GNAQ: variants seen among roughly 807,000 people sequenced by gnomAD.
GNAQ encodes the protein G protein subunit alpha q, also known as guanine nucleotide-binding protein G(q) subunit alpha.
In GNAQ, 8 loss-of-function variants were observed where a neutral mutation model predicts 43.9. The observed-to-expected ratio is 0.18, with a 90% CI of 0.11 to 0.33. The LOEUF (loss-of-function observed/expected upper bound fraction) is 0.33, where lower values mean the gene tolerates loss of function less well. Among genes scored for constraint, GNAQ ranks in the 10% least tolerant of loss-of-function variants. The probability of loss-of-function intolerance (pLI) is 1.00; values close to 1 mark genes in which losing one functional copy is unlikely to be tolerated. For synonymous variants in GNAQ, 155 were observed against 170.7 expected (o/e 0.91, Z 0.71); for missense variants, 158 against 450.8 (o/e 0.35, Z 5.88).
intron 5 of GNAQ, among the ~76,000 whole-genome samples, chr9:77,769,927 A>C (rs1339933119): frequency 6.6e-6 from 1 of 151,982 alleles, no homozygotes; most frequent in East Asian, 1.9e-4. Context: ...CTGCCTCCCA[A>C]AGTGCTGGGA....
rs1204264322 is a variant in GNAQ at position 77,721,854 on chromosome 9, CTGAGT to C, written c.890-346_890-342del. On this transcript the variant is annotated intron_variant, in intron 6 of 6. Transcript: ENST00000286548. ...GGAGTGATAGCTTACTTCTGTTCAA[CTGAGT>C]TAAGTATGCTTGTTTCAGCTATATA... Among the ~76,000 whole-genome samples the C allele has an allele frequency of 3.0e-4, 45 of 152,184 alleles. 1 individual carries two copies. The highest frequency in any genetic ancestry group is 7.2e-4 in the Admixed American group (11 of 15,282).
intron 3 of GNAQ, among the ~76,000 whole-genome samples, chr9:77,802,924 A>C (rs572617817): frequency 2.6e-5 from 4 of 152,054 alleles, no homozygotes; most frequent in Non-Finnish European, 5.9e-5. Context: ...ATTAATTTAT[A>C]ATTTTTTTTA....
At chr9:77,830,392 T>C (rs1249247363) in intron 2 of GNAQ, among the ~76,000 whole-genome samples, 2 of 152,060 alleles carry the variant, frequency 1.3e-5, no homozygotes, top group Non-Finnish European at 2.9e-5. Flanking sequence ...AAGACAAAGA[T>C]AGTAAGTTTT....
intron 5 of GNAQ, among the ~76,000 whole-genome samples, chr9:77,752,989 A>G (rs957481652): frequency 2.0e-5 from 3 of 146,620 alleles, no homozygotes; most frequent in Admixed American, 6.9e-5. Flanking sequence ...CGGGAGGCTG[A>G]GGCAGGAGAA....
chr9:77,809,512 G>T (rs1017041425), intron 3 of GNAQ, among the ~76,000 whole-genome samples: 2 of 152,114 alleles, frequency 1.3e-5, no homozygotes, highest in African/African-American at 4.8e-5. Context: ...TGTTTTTTGT[G>T]CTCTTTAATC....
At chr9:77,997,851 T>C (rs1237744158) in intron 1 of GNAQ, among the ~76,000 whole-genome samples, 2 of 152,000 alleles carry the variant, frequency 1.3e-5, no homozygotes, top group Non-Finnish European at 2.9e-5. Flanking sequence ...TTTTGCAGAG[T>C]TTCATGTAAA....
chr9:77,723,643 T>G (rs924769113), intron 6 of GNAQ, among the ~76,000 whole-genome samples: 6 of 152,226 alleles, frequency 3.9e-5, no homozygotes, highest in Admixed American at 3.9e-4. Context: ...TGCTGTAATA[T>G]GCATGAACTG....
intron 1 of GNAQ, among the ~76,000 whole-genome samples, chr9:78,029,186 G>A (rs1824018189): frequency 6.6e-6 from 1 of 151,908 alleles, no homozygotes; most frequent in Non-Finnish European, 1.5e-5. Context: ...TTAGCTGCTG[G>A]GAAACTCAGA....
intron 5 of GNAQ, among the ~76,000 whole-genome samples, chr9:77,759,228 T>C (rs1405209160): frequency 2.0e-5 from 3 of 152,212 alleles, no homozygotes; most frequent in African/African-American, 7.2e-5. Context: ...TGAATGCCAT[T>C]ATAATACTAC....
At chr9:77,795,352 A>G (rs1230964593) in intron 4 of GNAQ, among the ~76,000 whole-genome samples, 1 of 152,196 alleles carries the variant, frequency 6.6e-6, no homozygotes, top group Non-Finnish European at 1.5e-5. Flanking sequence ...TTGAGTGACA[A>G]TGTATGTCTG....
intron 2 of GNAQ, among the ~76,000 whole-genome samples, chr9:77,845,952 A>G (rs1023934353): frequency 6.6e-6 from 1 of 152,216 alleles, no homozygotes; most frequent in African/African-American, 2.4e-5. Flanking sequence ...AATGTGACCA[A>G]GTGAAACTAG....
intron 5 of GNAQ, among the ~76,000 whole-genome samples, chr9:77,777,950 G>C (rs1448673019): frequency 1.3e-5 from 2 of 151,846 alleles, no homozygotes; most frequent in African/African-American, 2.4e-5. Context: ...AATGATCCAG[G>C]AATTCTACTC....
chr9:77,845,263 G>A (rs1017008012), intron 2 of GNAQ, among the ~76,000 whole-genome samples: 2 of 151,944 alleles, frequency 1.3e-5, no homozygotes, highest in Admixed American at 1.3e-4. Context: ...TTCTTACAAT[G>A]AGCCACTGGC....
intron 1 of GNAQ, among the ~76,000 whole-genome samples, chr9:77,950,886 C>CG (rs1467287593): frequency 1.3e-5 from 2 of 151,788 alleles, no homozygotes; most frequent in Non-Finnish European, 2.9e-5. Flanking sequence ...CATAATACTG[C>CG]GGAGCTGCTA....
intron 5 of GNAQ, among the ~76,000 whole-genome samples, chr9:77,743,669 GA>G (rs1825689210): frequency 2.6e-5 from 1 of 38,372 alleles, no homozygotes; most frequent in Non-Finnish European, 1.7e-4. Flanking sequence ...TTTTTAAACT[GA>G]CTGATAGCTA....
intron 2 of GNAQ, among the ~76,000 whole-genome samples, chr9:77,911,652 T>C (rs1177805830): frequency 1.3e-5 from 2 of 152,142 alleles, no homozygotes; most frequent in African/African-American, 4.8e-5. Context: ...ATGCTACAGA[T>C]GGTGAAGATA....
chr9:77,725,790 A>T, intron 6 of GNAQ, among the ~76,000 whole-genome samples: 1 of 152,152 alleles, frequency 6.6e-6, no homozygotes. Context: ...CGGAAAAATC[A>T]GCAACTGTGA....
chr9:77,914,828 C>CAAAAAAAAAAAA (rs71503232), intron 2 of GNAQ, among the ~76,000 whole-genome samples: 2 of 98,152 alleles, frequency 2.0e-5, no homozygotes, highest in Non-Finnish European at 4.4e-5. Context: ...TTTTGAACAC[C>CAAAAAAAAAAAA]AAAAAAAAAA....
chr9:77,993,760 T>C (rs1289347535), intron 1 of GNAQ, among the ~76,000 whole-genome samples: 2 of 151,974 alleles, frequency 1.3e-5, no homozygotes, highest in African/African-American at 4.8e-5. Flanking sequence ...GTACTCACAA[T>C]ATTGCTTGAA....
Sources: allele counts gnomAD v4.1 joint callset (sites outside exome capture counted in the v4.1 genomes callset), GRCh38; gene constraint gnomAD v4.1.1; transcripts MANE v1.5; gene names NCBI Gene and HGNC (gene_info 2026-07-23, HGNC 2026-07-21).